SH3BGRL2: variants seen among roughly 807,000 people sequenced by gnomAD.
SH3BGRL2 encodes the protein SH3 domain-binding glutamic acid-rich-like protein 2.
A neutral mutation model predicts 14.8 loss-of-function variants in SH3BGRL2; 21 were observed. The ratio of observed to expected loss-of-function variants is 1.42; its 90% CI spans 1.01 to 2.05. SH3BGRL2 has a LOEUF of 2.05. Among genes scored for constraint, SH3BGRL2 ranks in the 30% most tolerant of loss-of-function variants. SH3BGRL2 has a pLI of 0.00. For missense variants in SH3BGRL2, 147 were observed against 130.8 expected, an observed-to-expected ratio of 1.12 and a Z score of -0.61; for synonymous variants, 50 against 47.8, an observed-to-expected ratio of 1.05 and a Z score of -0.19.
At chr6:79,674,498 C>T (rs987811593) in intron 2 of SH3BGRL2, among the ~76,000 whole-genome samples, 1 of 152,078 alleles carries the variant, frequency 6.6e-6, no homozygotes, top group African/African-American at 2.4e-5. Context: ...TTGCCTTTTG[C>T]CATATCTCTA....
At chr6:79,553,123 A>G in the SH3BGRL2 span, 2 of 152,120 alleles carry the variant, frequency 1.3e-5, no homozygotes, top group African/African-American at 2.4e-5. Flanking sequence ...AGAATCACTT[A>G]CATAATCTAC....
chr6:79,662,928 T>G (rs1769583261), intron 1 of SH3BGRL2, among the ~76,000 whole-genome samples: 1 of 152,214 alleles, frequency 6.6e-6, no homozygotes, highest in Non-Finnish European at 1.5e-5. Flanking sequence ...TTTCTTCCAC[T>G]TGATCAAATC....
the SH3BGRL2 span, among the ~76,000 whole-genome samples, chr6:79,541,083 A>G: frequency 2.0e-5 from 3 of 151,934 alleles, no homozygotes; most frequent in Non-Finnish European, 2.9e-5. Flanking sequence ...TGAGACCCCC[A>G]TTTCTACTAA....
the SH3BGRL2 span, among the ~76,000 whole-genome samples, chr6:79,586,827 G>A: frequency 1.3e-5 from 2 of 152,194 alleles, no homozygotes; most frequent in African/African-American, 2.4e-5. Flanking sequence ...ACTTGGAATA[G>A]AGTCCATGCA....
At chr6:79,603,339 A>G in the SH3BGRL2 span, among the ~76,000 whole-genome samples, 18 of 152,310 alleles carry the variant, frequency 1.2e-4, no homozygotes, top group African/African-American at 4.1e-4. Context: ...CTGATTTTTA[A>G]TCCTCAAGAG....
chr6:79,675,038 A>G (rs1769853221), intron 2 of SH3BGRL2, among the ~76,000 whole-genome samples: 4 of 151,998 alleles, frequency 2.6e-5, no homozygotes, highest in Admixed American at 2.6e-4. Context: ...TTTATTCATG[A>G]TTACCAAGGA....
the SH3BGRL2 span, among the ~76,000 whole-genome samples, chr6:79,592,656 G>A: frequency 7.2e-5 from 11 of 152,178 alleles, no homozygotes; most frequent in Non-Finnish European, 1.6e-4. Context: ...TAGAATAAAA[G>A]GGAGAGGGTA....
At chr6:79,666,990 G>T (rs1769673466) in intron 1 of SH3BGRL2, among the ~76,000 whole-genome samples, 2 of 152,198 alleles carry the variant, frequency 1.3e-5, no homozygotes, top group Non-Finnish European at 2.9e-5. Context: ...AATTGAGCAG[G>T]TGCCCATTAC....
At chr6:79,596,995 C>T in the SH3BGRL2 span, among the ~76,000 whole-genome samples, 11,170 of 152,136 alleles carry the variant, frequency 0.073, 522 homozygotes, top group Non-Finnish European at 0.1. Context: ...TTTGGGAGGC[C>T]GAGGCGGGTG....
At chr6:79,688,763 T>G (rs1770151031) in intron 2 of SH3BGRL2, among the ~76,000 whole-genome samples, 1 of 152,160 alleles carries the variant, frequency 6.6e-6, no homozygotes, top group Admixed American at 6.5e-5. Flanking sequence ...CATAAGAATT[T>G]GTATCTTAAT....
chr6:79,602,346 CT>C, the SH3BGRL2 span, among the ~76,000 whole-genome samples: 1 of 152,136 alleles, frequency 6.6e-6, no homozygotes, highest in African/African-American at 2.4e-5. Context: ...CCAGGAAGAC[CT>C]CCCTGAGGGG....
At chr6:79,564,480 A>G in the SH3BGRL2 span, among the ~76,000 whole-genome samples, 1,013 of 152,300 alleles carry the variant, frequency 6.7e-3, 12 homozygotes, top group African/African-American at 0.023. Context: ...TAGAAAATTA[A>G]TGCTAAGAAA....
chr6:79,597,160 G>C, the SH3BGRL2 span, among the ~76,000 whole-genome samples: 1 of 151,970 alleles, frequency 6.6e-6, no homozygotes, highest in African/African-American at 2.4e-5. Flanking sequence ...AACCAGGTAG[G>C]TGGAGGTTGC....
intron 2 of SH3BGRL2, among the ~76,000 whole-genome samples, chr6:79,677,236 C>T (rs150659228): frequency 9.5e-4 from 145 of 152,204 alleles, no homozygotes; most frequent in African/African-American, 3.2e-3. Flanking sequence ...GCGAGTGACA[C>T]GATCCAGAAA....
the SH3BGRL2 span, among the ~76,000 whole-genome samples, chr6:79,609,474 ACT>A: frequency 1.3e-5 from 2 of 151,228 alleles, no homozygotes; most frequent in Non-Finnish European, 2.9e-5. Context: ...CTGACAGGGG[ACT>A]CTCTCAATTA....
intron 2 of SH3BGRL2, among the ~76,000 whole-genome samples, chr6:79,690,015 ACT>A (rs1770177825): frequency 6.6e-6 from 1 of 151,930 alleles, no homozygotes; most frequent in African/African-American, 2.4e-5. Flanking sequence ...GCCCTCCGTC[ACT>A]CTGTCACCCA....
intron 1 of SH3BGRL2, among the ~76,000 whole-genome samples, chr6:79,634,102 G>A (rs1049836643): frequency 2.0e-5 from 3 of 152,172 alleles, no homozygotes; most frequent in Non-Finnish European, 4.4e-5. Context: ...ATTAGACTTA[G>A]CCAAGTAAGT....
the SH3BGRL2 span, among the ~76,000 whole-genome samples, chr6:79,576,182 A>G: frequency 1.3e-5 from 2 of 152,114 alleles, no homozygotes; most frequent in African/African-American, 4.8e-5. Context: ...AAACTTCCTG[A>G]ATTCAATATT....
At chr6:79,635,352 G>A (rs1401870416) in intron 1 of SH3BGRL2, among the ~76,000 whole-genome samples, 1 of 152,246 alleles carries the variant, frequency 6.6e-6, no homozygotes. Flanking sequence ...AGCCATTTAT[G>A]TCCAGTCAGT....
Sources: allele counts gnomAD v4.1 joint callset (sites outside exome capture counted in the v4.1 genomes callset), GRCh38; gene constraint gnomAD v4.1.1; transcripts MANE v1.5; gene names NCBI Gene and HGNC (gene_info 2026-07-23, HGNC 2026-07-21).